Variants in ENTREP2 observed in about 807,000 individuals in gnomAD.
ENTREP2 encodes protein ENTREP2.
chr15:29,196,483 G>T, the ENTREP2 span: 1 of 1,551,758 alleles, frequency 6.4e-7, no homozygotes, highest in Non-Finnish European at 8.7e-7. Flanking sequence ...TTCAGCTTCA[G>T]CGTCTCCCCG....
the ENTREP2 span, among the ~76,000 whole-genome samples, chr15:29,637,799 G>T: frequency 6.6e-6 from 1 of 152,318 alleles, no homozygotes; most frequent in East Asian, 1.9e-4. Flanking sequence ...GTATGAGAGG[G>T]AAGTGTGCAG....
the ENTREP2 span, among the ~76,000 whole-genome samples, chr15:29,238,845 C>T: frequency 2.2e-4 from 34 of 152,042 alleles, no homozygotes; most frequent in African/African-American, 8.0e-4. Context: ...TGAGAATTCA[C>T]TATCATGATG....
At chr15:29,193,346 A>T in the ENTREP2 span, among the ~76,000 whole-genome samples, 1 of 152,198 alleles carries the variant, frequency 6.6e-6, no homozygotes, top group Non-Finnish European at 1.5e-5. Flanking sequence ...TAGAACAAAA[A>T]GGCAGAGGAA....
the ENTREP2 span, among the ~76,000 whole-genome samples, chr15:29,649,647 G>A: frequency 2.0e-5 from 3 of 149,506 alleles, no homozygotes; most frequent in Non-Finnish European, 4.4e-5. Context: ...CTGAACCTGG[G>A]AGATGGAAGT....
chr15:29,465,129 C>T, the ENTREP2 span, among the ~76,000 whole-genome samples: 2 of 151,840 alleles, frequency 1.3e-5, no homozygotes, highest in Non-Finnish European at 2.9e-5. Context: ...TGTCTGCCCC[C>T]GATATAACCC....
the ENTREP2 span, among the ~76,000 whole-genome samples, chr15:29,296,329 A>T: frequency 3.3e-5 from 5 of 152,200 alleles, no homozygotes; most frequent in African/African-American, 1.2e-4. Flanking sequence ...GGATTTCCTG[A>T]AAGTTTGGAT....
chr15:29,399,630 G>A, the ENTREP2 span, among the ~76,000 whole-genome samples: 1 of 152,146 alleles, frequency 6.6e-6, no homozygotes, highest in Non-Finnish European at 1.5e-5. Flanking sequence ...CCAACCTCCT[G>A]TGCAGTCAAA....
chr15:29,204,423 G>A, the ENTREP2 span, among the ~76,000 whole-genome samples: 1,490 of 152,306 alleles, frequency 9.8e-3, 21 homozygotes, highest in African/African-American at 0.034. Flanking sequence ...TGTAGGCAGA[G>A]CAGGGCAGAG....
chr15:29,670,024 C>G, the ENTREP2 span, among the ~76,000 whole-genome samples: 1 of 152,222 alleles, frequency 6.6e-6, no homozygotes, highest in East Asian at 1.9e-4. Context: ...AGATGCTATT[C>G]ATTCCGAAGC....
chr15:29,441,895 C>T, the ENTREP2 span, among the ~76,000 whole-genome samples: 14 of 152,268 alleles, frequency 9.2e-5, no homozygotes, highest in Admixed American at 7.8e-4. Flanking sequence ...CTGAGTCTTC[C>T]TTTCCAGTCC....
chr15:29,639,105 C>T, the ENTREP2 span, among the ~76,000 whole-genome samples: 5 of 152,214 alleles, frequency 3.3e-5, no homozygotes, highest in African/African-American at 1.2e-4. Context: ...TCTATTAACT[C>T]TCTTTTGAAA....
chr15:29,633,200 G>C, the ENTREP2 span, among the ~76,000 whole-genome samples: 1 of 152,126 alleles, frequency 6.6e-6, no homozygotes, highest in African/African-American at 2.4e-5. Flanking sequence ...ACCACCAACT[G>C]TCAGCCTTCT....
chr15:29,126,553 G>T, the ENTREP2 span: 1 of 1,420,126 alleles, frequency 7.0e-7, no homozygotes, highest in Non-Finnish European at 9.6e-7. Context: ...CGTGGGACAG[G>T]CCTGCCCCTC....
chr15:29,139,363 G>A, the ENTREP2 span, among the ~76,000 whole-genome samples: 1 of 152,242 alleles, frequency 6.6e-6, no homozygotes, highest in South Asian at 2.1e-4. Flanking sequence ...TGAGCGGGAC[G>A]CATGTGCGTC....
At chr15:29,391,708 T>C in the ENTREP2 span, among the ~76,000 whole-genome samples, 2 of 152,256 alleles carry the variant, frequency 1.3e-5, no homozygotes, top group Non-Finnish European at 2.9e-5. Flanking sequence ...TGGATTTTGT[T>C]ACTTAGTGGG....
chr15:29,255,755 A>G, the ENTREP2 span, among the ~76,000 whole-genome samples: 1 of 152,046 alleles, frequency 6.6e-6, no homozygotes, highest in Non-Finnish European at 1.5e-5. Context: ...TAATCCCAGC[A>G]CTTTGGGGGG....
At chr15:29,149,254 C>T in the ENTREP2 span, among the ~76,000 whole-genome samples, 2 of 152,176 alleles carry the variant, frequency 1.3e-5, no homozygotes, top group Non-Finnish European at 2.9e-5. Flanking sequence ...TCAGCAGCAC[C>T]CCCTTTCACC....
chr15:29,136,348 T>TG, the ENTREP2 span: 2 of 1,480,628 alleles, frequency 1.4e-6, no homozygotes, highest in Non-Finnish European at 1.8e-6. Flanking sequence ...TGGCTTTGTC[T>TG]GGGGCCCCAG....
chr15:29,256,776 A>C, the ENTREP2 span, among the ~76,000 whole-genome samples: 1 of 152,214 alleles, frequency 6.6e-6, no homozygotes, highest in Non-Finnish European at 1.5e-5. Flanking sequence ...GAAGTTTCAC[A>C]TAAGTCTGGC....
Sources: gnomAD v4.1 joint callset for allele counts (sites outside exome capture counted in the v4.1 genomes callset) on GRCh38, gnomAD v4.1.1 for gene constraint, MANE v1.5 for transcripts, NCBI Gene and HGNC (gene_info 2026-07-23, HGNC 2026-07-21) for gene names.